EMC7: variants seen among roughly 807,000 people sequenced by gnomAD.
The protein encoded by EMC7 is endoplasmic reticulum membrane protein complex subunit 7.
In EMC7, 4 loss-of-function variants were observed where a neutral mutation model predicts 24.4. The ratio of observed to expected loss-of-function variants is 0.16; its 90% CI spans 0.08 to 0.38. The LOEUF is 0.38. Among genes scored for constraint, EMC7 ranks in the 10% least tolerant of loss-of-function variants. EMC7 has a pLI of 1.00. For missense variants in EMC7, 221 were observed against 300.6 expected (o/e 0.74, Z 1.96); for synonymous variants, 106 against 112.0 (o/e 0.95, Z 0.34).
chr15:34,084,509 G>T, intron 4 of EMC7, 23 bp from the exon 5 acceptor site: 2 of 1,600,614 alleles, frequency 1.2e-6, no homozygotes, highest in Non-Finnish European at 1.7e-6. Flanking sequence ...AAGGCACAAT[G>T]ATATGTAGGA....
intron 1 of EMC7, 120 bp downstream of exon 1, chr15:34,101,484 G>C: frequency 9.5e-7 from 1 of 1,048,066 alleles, no homozygotes; most frequent in South Asian, 1.5e-5. Flanking sequence ...GACCGTTAGC[G>C]GCACCCTCCC....
chr15:34,095,942 G>A lies in EMC7; in HGVS notation c.309C>T (p.Tyr103=). The A allele has an allele frequency of 3.1e-6, 5 of 1,610,448 alleles. No individual in the cohort carries two copies. The highest frequency in any genetic ancestry group is 4.2e-6 in the Non-Finnish European group (5 of 1,177,314). ...TATCCACTCGAACGGGATCAAATCT[G>A]TAAGCTGGAGATACAACTTCCACTA... ...SYVVEVVSPA[Y]RFDPVRVDIT... The change falls in exon 2 of 5, where the codon TAC becomes TAT. Residue 103 remains tyrosine (Y), a synonymous_variant. Transcript: ENST00000256545.
rs1567504702 is a variant in EMC7, at chr15:34,101,598, G to A, written c.236+6C>T. The A allele has an allele frequency of 6.2e-7, 1 of 1,613,196 alleles. No individual in the cohort carries two copies. ...GCCTTTTTCCCGCTGCCCTCAGGATGCTCACTTAAGGAAACCGACGTGCTC... is the reference window on the plus strand; with the variant it reads ...GCCTTTTTCCCGCTGCCCTCAGGATACTCACTTAAGGAAACCGACGTGCTC... On this transcript the variant is annotated splice_donor_region_variant and intron_variant, in intron 1 of 4. Transcript: ENST00000256545.
At chr15:34,087,994 A>G in intron 4 of EMC7, 59 bp downstream of exon 4, 1 of 1,449,732 alleles carries the variant, frequency 6.9e-7, no homozygotes, top group Non-Finnish European at 9.4e-7. Flanking sequence ...TTCCAGCTTG[A>G]GCAACAGAGG....
chr15:34,100,833 C>G (rs1435090162), intron 1 of EMC7: 1 of 151,966 alleles, frequency 6.6e-6, no homozygotes, highest in African/African-American at 2.4e-5. Flanking sequence ...ATACGCGTGC[C>G]TAGACATTTC....
chr15:34,095,459 TAAAG>T (rs1046279576), intron 2 of EMC7, among the ~76,000 whole-genome samples: 127 of 152,240 alleles, frequency 8.3e-4, no homozygotes, highest in Non-Finnish European at 7.2e-4. Flanking sequence ...AAAGATTCCA[TAAAG>T]AAAGGACCAC....
At chr15:34,099,215 G>A (rs28432827) in intron 1 of EMC7, among the ~76,000 whole-genome samples, 71,881 of 151,812 alleles carry the variant, frequency 0.47, 20,519 homozygotes, top group Non-Finnish European at 0.64. Flanking sequence ...AATTAATGAG[G>A]TACACAAAAG....
rs553769836 is a variant in EMC7 at position 34,097,039 on chromosome 15, C to CTTTTTTTTTTTTTTTTT, written c.237-1026_237-1025insAAAAAAAAAAAAAAAAA. Reference sequence around the variant, plus strand: ...CAATTTTTGGTTTTCTGTTCTTCTTCTTTTTTTTTTTTGAGACGGAGTCTC... The same window carrying CTTTTTTTTTTTTTTTTT: ...CAATTTTTGGTTTTCTGTTCTTCTTCTTTTTTTTTTTTTTTTTTTTTTTTTTTTTGAGACGGAGTCTC... On this transcript the variant is annotated intron_variant, in intron 1 of 4. Transcript: ENST00000256545. 9.5e-4 allele frequency among the ~76,000 whole-genome samples: 93 copies of CTTTTTTTTTTTTTTTTT among 97,610 alleles called. 3 individuals are homozygous for CTTTTTTTTTTTTTTTTT. Among genetic ancestry groups the CTTTTTTTTTTTTTTTTT allele is most frequent in the South Asian group, 1.4e-3 (4 of 2,948 alleles). 64.0% of individuals were successfully genotyped at this position (97,610 alleles called of 152,430 possible).
At chr15:34,092,683 TTC>T (rs1900997520) in intron 2 of EMC7, among the ~76,000 whole-genome samples, 1 of 152,110 alleles carries the variant, frequency 6.6e-6, no homozygotes, top group South Asian at 2.1e-4. Flanking sequence ...AAATAATTTT[TTC>T]TTTTTTTTAA....
chr15:34,087,425 G>C (rs1259827927), intron 4 of EMC7, among the ~76,000 whole-genome samples: 7 of 152,148 alleles, frequency 4.6e-5, no homozygotes, highest in Non-Finnish European at 1.5e-5. Context: ...GAACCAGTAT[G>C]GTTTTGTGGA....
chr15:34,097,917 C>T (rs895885706), intron 1 of EMC7, among the ~76,000 whole-genome samples: 2 of 147,598 alleles, frequency 1.4e-5, no homozygotes, highest in Non-Finnish European at 3.0e-5. Flanking sequence ...TGCAATGAGC[C>T]GAGATTGTGC....
intron 4 of EMC7, among the ~76,000 whole-genome samples, chr15:34,087,420 A>G (rs1659479203): frequency 6.6e-6 from 1 of 152,234 alleles, no homozygotes; most frequent in South Asian, 2.1e-4. Flanking sequence ...CTGCAGAACC[A>G]GTATGGTTTT....
At chr15:34,098,981 T>C (rs1858734733) in intron 1 of EMC7, among the ~76,000 whole-genome samples, 1 of 152,158 alleles carries the variant, frequency 6.6e-6, no homozygotes, top group Admixed American at 6.6e-5. Flanking sequence ...GTAGGCCTTA[T>C]TGGATCCTGA....
At chr15:34,096,210 G>A (rs771329767) in intron 1 of EMC7, among the ~76,000 whole-genome samples, 196 bp from the exon 2 acceptor site, 4 of 152,196 alleles carry the variant, frequency 2.6e-5, no homozygotes, top group African/African-American at 4.8e-5. Flanking sequence ...TCGCTGCGAC[G>A]CTCAGGGTGG....
intron 1 of EMC7, among the ~76,000 whole-genome samples, chr15:34,097,157 C>G (rs1901087482): frequency 6.6e-6 from 1 of 150,768 alleles, no homozygotes; most frequent in Non-Finnish European, 1.5e-5. Context: ...CCTCAGTCTC[C>G]CGAGTAGCTG....
intron 4 of EMC7, among the ~76,000 whole-genome samples, chr15:34,087,034 T>G (rs1325732882): frequency 3.3e-5 from 5 of 152,072 alleles, no homozygotes; most frequent in Non-Finnish European, 2.9e-5. Context: ...AAATTTCTAT[T>G]AAGAAAAAAG....
chr15:34,086,409 T>C, intron 4 of EMC7: 1 of 163,760 alleles, frequency 6.1e-6, no homozygotes, highest in Non-Finnish European at 1.3e-5. Flanking sequence ...GCTTACTATG[T>C]GCAAAGCACT....
intron 3 of EMC7, among the ~76,000 whole-genome samples, chr15:34,088,362 T>C (rs940237670): frequency 3.9e-5 from 6 of 152,228 alleles, no homozygotes; most frequent in Non-Finnish European, 8.8e-5. Context: ...TATGTATGTT[T>C]GGACTTTATA....
intron 3 of EMC7, among the ~76,000 whole-genome samples, chr15:34,089,801 A>T (rs1900951312): frequency 1.3e-5 from 2 of 152,340 alleles, no homozygotes; most frequent in African/African-American, 4.8e-5. Context: ...TACTAAAAAT[A>T]CAAAATTAGC....
Sources: gnomAD v4.1 joint callset for allele counts (sites outside exome capture counted in the v4.1 genomes callset) on GRCh38, gnomAD v4.1.1 for gene constraint, MANE v1.5 for transcripts, NCBI Gene and HGNC (gene_info 2026-07-23, HGNC 2026-07-21) for gene names.